The following GRM7 variants were observed in gnomAD, a reference collection of about 807,000 sequenced individuals.
GRM7 encodes the protein glutamate metabotropic receptor 7.
Under a neutral mutation model 84.5 loss-of-function variants are expected in GRM7, and 35 were observed. The ratio of observed to expected loss-of-function variants is 0.41; its 90% CI spans 0.32 to 0.55. The LOEUF (loss-of-function observed/expected upper bound fraction) is 0.55, where lower values mean the gene tolerates loss of function less well. Among genes scored for constraint, GRM7 ranks in the 20% least tolerant of loss-of-function variants. The pLI, the probability that GRM7 is intolerant of heterozygous loss-of-function variation, is 0.19. For missense variants in GRM7, 1,003 were observed against 1,194.6 expected (o/e 0.84, Z 2.36); for synonymous variants, 487 against 455.1 (o/e 1.07, Z -0.89).
At chr3:7,045,001 G>A (rs1696752695) in intron 1 of GRM7, among the ~76,000 whole-genome samples, 1 of 152,178 alleles carries the variant, frequency 6.6e-6, no homozygotes. Flanking sequence ...ACTGTTGAAT[G>A]ATTGGCACAG....
rs1330535443 is a variant in GRM7, at chr3:7,383,916, T to C, written c.1034-31107T>C. On this transcript the variant is annotated intron_variant, in intron 4 of 9. Coordinates refer to ENST00000357716, the MANE Select transcript of GRM7 (RefSeq NM_000844.4). ...GTGGAGTTTACCTTTTTAACCTAAGTATATTTAAAATTCTCACTAGGTAGA... is the reference window on the plus strand; with the variant it reads ...GTGGAGTTTACCTTTTTAACCTAAGCATATTTAAAATTCTCACTAGGTAGA... Among the ~76,000 whole-genome samples, 5 of 152,318 alleles carry C rather than the reference T, an allele frequency of 3.3e-5. No individual in the cohort carries two copies. In the East Asian group the frequency reaches 9.6e-4, roughly 29 times the overall value.
intron 8 of GRM7, among the ~76,000 whole-genome samples, chr3:7,600,990 G>T (rs1313593668): frequency 6.8e-6 from 1 of 146,814 alleles, no homozygotes; most frequent in Non-Finnish European, 1.5e-5. Flanking sequence ...AGCCACACAG[G>T]CTTCAATCCC....
At chr3:7,637,264 C>T (rs919791831) in intron 8 of GRM7, among the ~76,000 whole-genome samples, 9 of 152,152 alleles carry the variant, frequency 5.9e-5, no homozygotes, top group African/African-American at 2.2e-4. Flanking sequence ...CCTTGTTGGC[C>T]TCACAAAGTG....
chr3:7,382,121 T>C (rs1450116079), intron 4 of GRM7, among the ~76,000 whole-genome samples: 21 of 152,308 alleles, frequency 1.4e-4, no homozygotes. Context: ...TTTCTCTCTG[T>C]CTCTAAAAAA....
At chr3:7,678,899 T>C (rs946353226) in intron 8 of GRM7, among the ~76,000 whole-genome samples, 2 of 152,198 alleles carry the variant, frequency 1.3e-5, no homozygotes, top group Admixed American at 6.5e-5. Context: ...AGGTGTCCAT[T>C]AGACAAACAC....
intron 2 of GRM7, among the ~76,000 whole-genome samples, chr3:7,285,204 C>T (rs981368323): frequency 6.6e-6 from 1 of 152,172 alleles, no homozygotes; most frequent in African/African-American, 2.4e-5. Flanking sequence ...AAAAAGTTTG[C>T]TGACTCCTAA....
intron 1 of GRM7, among the ~76,000 whole-genome samples, chr3:6,988,925 A>T (rs1217493165): frequency 6.6e-6 from 1 of 152,190 alleles, no homozygotes; most frequent in Non-Finnish European, 1.5e-5. Flanking sequence ...GATTTGTGAG[A>T]AATTAATCGG....
At chr3:7,294,722 G>A (rs1011266394) in intron 2 of GRM7, among the ~76,000 whole-genome samples, 2 of 152,126 alleles carry the variant, frequency 1.3e-5, no homozygotes, top group African/African-American at 2.4e-5. Flanking sequence ...CCCTAAGCTA[G>A]CAGCATCAGC....
intron 1 of GRM7, among the ~76,000 whole-genome samples, chr3:7,009,686 C>T (rs1695303672): frequency 6.6e-6 from 1 of 152,098 alleles, no homozygotes; most frequent in South Asian, 2.1e-4. Flanking sequence ...TTTTATTTGT[C>T]TGATTCTGTG....
intron 2 of GRM7, among the ~76,000 whole-genome samples, chr3:7,248,300 T>C (rs935000441): frequency 6.6e-5 from 10 of 152,188 alleles, no homozygotes; most frequent in African/African-American, 1.2e-4. Flanking sequence ...AGGAATGAAC[T>C]ACTAATACAC....
intron 4 of GRM7, among the ~76,000 whole-genome samples, chr3:7,361,719 C>G (rs148540453): frequency 3.3e-5 from 5 of 152,152 alleles, no homozygotes; most frequent in Non-Finnish European, 7.4e-5. Flanking sequence ...ATATGGCTCA[C>G]AGAAGTGAGA....
intron 2 of GRM7, among the ~76,000 whole-genome samples, chr3:7,242,001 C>G (rs1697576227): frequency 6.6e-6 from 1 of 152,134 alleles, no homozygotes; most frequent in African/African-American, 2.4e-5. Flanking sequence ...TCTTTTATAG[C>G]TTCAATGAAA....
intron 1 of GRM7, among the ~76,000 whole-genome samples, chr3:6,934,449 A>G (rs1377595732): frequency 2.6e-5 from 4 of 152,166 alleles, no homozygotes; most frequent in Non-Finnish European, 5.9e-5. Context: ...TTAGAAAACA[A>G]AACCAACTAG....
intron 1 of GRM7, among the ~76,000 whole-genome samples, chr3:7,103,022 T>C (rs1395599963): frequency 6.6e-6 from 1 of 151,858 alleles, no homozygotes. Context: ...TTCTTGCTAA[T>C]GCAACAACTG....
intron 8 of GRM7, among the ~76,000 whole-genome samples, chr3:7,653,852 C>T (rs904465345): frequency 6.6e-6 from 1 of 152,146 alleles, no homozygotes; most frequent in Admixed American, 6.5e-5. Flanking sequence ...TAAAGTTACA[C>T]CCATTTTACA....
chr3:7,030,147 G>T (rs1696137352), intron 1 of GRM7, among the ~76,000 whole-genome samples: 1 of 152,058 alleles, frequency 6.6e-6, no homozygotes, highest in Admixed American at 6.5e-5. Context: ...TCAACTTTGA[G>T]GAATATTAAG....
chr3:6,998,945 G>C (rs1694919035), intron 1 of GRM7, among the ~76,000 whole-genome samples: 1 of 152,224 alleles, frequency 6.6e-6, no homozygotes, highest in Admixed American at 6.5e-5. Flanking sequence ...ATGCCCTAGA[G>C]ACATTCTCCT....
chr3:6,890,292 C>G (rs1401039963), intron 1 of GRM7, among the ~76,000 whole-genome samples: 1 of 152,064 alleles, frequency 6.6e-6, no homozygotes, highest in East Asian at 1.9e-4. Flanking sequence ...TGTGTTTGCT[C>G]TTGCTTTTCT....
intron 4 of GRM7, among the ~76,000 whole-genome samples, chr3:7,332,833 G>C (rs1701260634): frequency 6.6e-6 from 1 of 152,018 alleles, no homozygotes; most frequent in Non-Finnish European, 1.5e-5. Flanking sequence ...TCTGAGCTCT[G>C]AACTGCCTAA....
Sources: gnomAD v4.1 joint callset for allele counts (sites outside exome capture counted in the v4.1 genomes callset) on GRCh38, gnomAD v4.1.1 for gene constraint, MANE v1.5 for transcripts, NCBI Gene and HGNC (gene_info 2026-07-23, HGNC 2026-07-21) for gene names.